The following ZNF43 variants were observed in gnomAD, a reference collection of about 807,000 sequenced individuals.
ZNF43 encodes the protein zinc finger protein 43, also known as zinc finger protein 39-like 1 (KOX 27).
Under a neutral mutation model 68.4 loss-of-function variants are expected in ZNF43, and 44 were observed. That is an observed-to-expected ratio of 0.64 (90% CI 0.51 to 0.83). ZNF43 has a LOEUF of 0.83. Among genes scored for constraint, ZNF43 ranks in the 40% least tolerant of loss-of-function variants. The probability of loss-of-function intolerance (pLI) is 0.00; values close to 1 mark genes in which losing one functional copy is unlikely to be tolerated. For missense variants in ZNF43, 896 were observed against 933.2 expected (o/e 0.96, Z 0.52); for synonymous variants, 308 against 307.8 (o/e 1.00, Z -0.01).
Position 21,836,004 on chromosome 19 carries a change from C to T in ZNF43, c.3+32G>A, listed in dbSNP as rs1386906852. The T allele has an allele frequency of 3.1e-6, 5 of 1,613,722 alleles. No individual in the cohort carries two copies. In the East Asian group the frequency reaches 6.7e-5, roughly 22 times the overall value. On this transcript the variant is annotated intron_variant, in intron 1 of 3. Transcript: ENST00000354959. ...GCCTGAGTCACGCCACAGCCCCTTC[C>T]CCCTCTCGGGATGTCGGACCGGCAC...
At chr19:21,839,941 A>T (rs145233977), upstream of ZNF43, 23 of 152,344 alleles carry the variant, frequency 1.5e-4, no homozygotes, top group African/African-American at 5.5e-4. Context: ...AGGTAGAAAA[A>T]GAAGCATCAC....
intron 1 of ZNF43, among the ~76,000 whole-genome samples, chr19:21,824,381 T>C (rs774617782): frequency 1.3e-5 from 2 of 152,190 alleles, no homozygotes; most frequent in Non-Finnish European, 2.9e-5. Context: ...TGTTTACACT[T>C]ACAGATTCTG....
chr19:21,819,762 G>T (rs542664261), intron 1 of ZNF43, among the ~76,000 whole-genome samples: 32 of 151,974 alleles, frequency 2.1e-4, no homozygotes, highest in South Asian at 4.2e-4. Flanking sequence ...AAAAGTCTGT[G>T]TTTTTTTTCT....
intron 1 of ZNF43, among the ~76,000 whole-genome samples, chr19:21,848,846 CTT>C (rs1460012476): frequency 5.3e-5 from 8 of 150,992 alleles, no homozygotes; most frequent in African/African-American, 2.0e-4. Flanking sequence ...CTCCATCTCT[CTT>C]GTGAGCTGTG....
intron 1 of ZNF43, 109 bp downstream of exon 1, chr19:21,835,927 G>C: frequency 1.3e-6 from 2 of 1,578,924 alleles, no homozygotes; most frequent in Non-Finnish European, 1.7e-6. Flanking sequence ...GATTGAGGCC[G>C]AGCTGGGCAA....
chr19:21,817,949 C>T lies in ZNF43; in HGVS notation c.168G>A (p.Leu56=). 1.9e-6 allele frequency: 3 copies of T among 1,613,444 alleles called. No individual in the cohort carries two copies. Among genetic ancestry groups the T allele is most frequent in the Non-Finnish European group, 2.5e-6 (3 of 1,179,578 alleles). Residue 56 remains leucine (L), a synonymous_variant, in exon 3 of 4, where the codon CTG becomes CTA. Transcript: ENST00000354959. ...GCTCCCAAGGCTCTTTTTCTTGCTC[C>T]AGACAGGTGATCAGGTCTGGCTTAG... The part of the protein sequence containing the change: ...AVSKPDLITC[L]EQEKEPWEPM...
chr19:21,812,064 ATGAG>A (rs750934769), intron 3 of ZNF43: 18 of 398,260 alleles, frequency 4.5e-5, no homozygotes, highest in Non-Finnish European at 7.5e-5. Flanking sequence ...CTCCTAGAAA[ATGAG>A]TGAAAGTATT....
chr19:21,851,985 C>G lies in ZNF43; in HGVS notation c.-51G>C. 3 of 1,523,032 alleles carry G rather than the reference C, an allele frequency of 2.0e-6. No homozygotes were observed. In the South Asian group the frequency reaches 3.6e-5, roughly 18 times the overall value. 94.3% of individuals were successfully genotyped at this position (1,523,032 alleles called of 1,614,324 possible). On this transcript the variant is annotated 5_prime_UTR_variant, in exon 1 of 4. Transcript: ENST00000357491. ...GCAGATCACAGGGTAACGGAGGCTGCGACAAAGTCACCGGGGATTCCCGAG... is the reference window on the plus strand; with the variant it reads ...GCAGATCACAGGGTAACGGAGGCTGGGACAAAGTCACCGGGGATTCCCGAG...
chr19:21,830,108 A>T (rs1057499863), intron 1 of ZNF43, among the ~76,000 whole-genome samples: 5 of 151,898 alleles, frequency 3.3e-5, no homozygotes, highest in African/African-American at 1.2e-4. Flanking sequence ...AAAATTGGCC[A>T]TGTGTATTGG....
Position 21,807,610 on chromosome 19 carries a change from T to C in ZNF43, c.2427A>G (p.Lys809=), listed in dbSNP as rs759238845. ...TAGAATTTCTCACCAGTATAATTTA[T>C]TTTATGTTTGAAAAAGTTTGAGGTG... is the stretch of plus-strand genomic sequence containing the variant. ...LTTPQTFSNI[K] is the part of the protein sequence containing the mutation. The change falls in exon 4 of 4, where the codon AAA becomes AAG. Residue 809 remains lysine, a synonymous_variant. Transcript: ENST00000354959. 1 of 1,534,712 alleles carries C rather than the reference T, an allele frequency of 6.5e-7. No homozygotes were observed. The highest frequency in any genetic ancestry group is 8.7e-7 in the Non-Finnish European group (1 of 1,144,846).
intron 1 of ZNF43, among the ~76,000 whole-genome samples, chr19:21,824,415 G>C (rs900129843): frequency 1.3e-5 from 2 of 152,090 alleles, no homozygotes; most frequent in Non-Finnish European, 2.9e-5. Flanking sequence ...TTTACACCTG[G>C]AGCCTCTCAC....
At chr19:21,815,443 T>C (rs957435599) in intron 3 of ZNF43, among the ~76,000 whole-genome samples, 1 of 148,248 alleles carries the variant, frequency 6.7e-6, no homozygotes, top group African/African-American at 2.5e-5. Context: ...GAAACTGCTG[T>C]AATCCAACTT....
upstream of ZNF43, among the ~76,000 whole-genome samples, chr19:21,839,331 C>CAAAAA (rs61335194): frequency 3.2e-3 from 90 of 28,266 alleles, 5 homozygotes; most frequent in African/African-American, 6.1e-3. Context: ...AGAGATCAGG[C>CAAAAA]AAAAAAAAAA....
chr19:21,809,667 A>G lies in ZNF43; in HGVS notation c.370T>C (p.Cys124Arg), dbSNP rs780480001. 6.2e-7 allele frequency: 1 copy of G among 1,613,098 alleles called. No homozygotes were observed. Among genetic ancestry groups the G allele is most frequent in the Admixed American group, 1.7e-5 (1 of 59,858 alleles). ...TTATAACCTCCTCTGTGCACCTTAC[A>G]CTCATCCACACTTTTATGGTCTTTT... The part of the protein sequence containing the change: ...LKKDHKSVDE[C>R]KVHRGGYNGF... The change falls in exon 4 of 4, where the codon TGT becomes CGT. Residue 124 changes from cysteine (C) to arginine (R), a missense_variant. Physicochemically the swap from Cys to Arg is radical, Grantham distance 180 (BLOSUM62 -3). Transcript: ENST00000354959.
At chr19:21,816,353 A>G (rs1457039468) in intron 3 of ZNF43, among the ~76,000 whole-genome samples, 1 of 152,182 alleles carries the variant, frequency 6.6e-6, no homozygotes, top group Admixed American at 6.5e-5. Context: ...TTCCTTTAAA[A>G]GAGCTTTGAG....
chr19:21,844,952 C>G (rs1294496258), intron 1 of ZNF43, among the ~76,000 whole-genome samples: 1 of 84,356 alleles, frequency 1.2e-5, no homozygotes, highest in Non-Finnish European at 2.3e-5. Flanking sequence ...ATATATGTTA[C>G]AATGTTACAA....
At chr19:21,839,549 G>GT (rs1341697616), upstream of ZNF43, 3 of 152,254 alleles carry the variant, frequency 2.0e-5, no homozygotes, top group African/African-American at 7.2e-5. Flanking sequence ...ATATGTCAAA[G>GT]TAACTCCTGT....
At chr19:21,835,337 A>G (rs940690175) in intron 1 of ZNF43, among the ~76,000 whole-genome samples, 5 of 150,348 alleles carry the variant, frequency 3.3e-5, no homozygotes, top group Admixed American at 3.3e-4. Flanking sequence ...TGTCAGAAAT[A>G]AAGGAAAATC....
At position 21,807,451 on chromosome 19, in the gene ZNF43, C is replaced by A; in HGVS notation, c.*156G>T. The A allele has an allele frequency of 5.8e-6, 4 of 694,052 alleles. No homozygotes were observed. Among genetic ancestry groups the A allele is most frequent in the Non-Finnish European group, 8.9e-6 (4 of 450,280 alleles). 43.0% of individuals were successfully genotyped at this position (694,052 alleles called of 1,614,324 possible). ...TTCCAAGTAAAAATTCTTTCCTGTG[C>A]AATAAGGTACGAGCATTAATTAAAA... is the stretch of plus-strand genomic sequence containing the variant. On this transcript the variant is annotated 3_prime_UTR_variant, in exon 4 of 4. Transcript: ENST00000354959.
Sources: allele counts gnomAD v4.1 joint callset (sites outside exome capture counted in the v4.1 genomes callset), GRCh38; gene constraint gnomAD v4.1.1; transcripts MANE v1.5; gene names NCBI Gene and HGNC (gene_info 2026-07-23, HGNC 2026-07-21).